The following CACNA1E variants were observed in gnomAD, a reference collection of about 807,000 sequenced individuals.
CACNA1E encodes the protein voltage-dependent R-type calcium channel subunit alpha-1E.
In CACNA1E, 40 loss-of-function variants were observed where a neutral mutation model predicts 259.2. That is an observed-to-expected ratio of 0.15 (90% CI 0.12 to 0.20). The LOEUF (loss-of-function observed/expected upper bound fraction) is 0.20, where lower values mean the gene tolerates loss of function less well. CACNA1E is among the 10% of genes least tolerant of loss of function. The pLI is 1.00. For synonymous variants in CACNA1E, 1,104 were observed against 1,138.5 expected (o/e 0.97, Z 0.61); for missense variants, 1,874 against 3,040.1 (o/e 0.62, Z 9.02).
chr1:181,375,151 T>C (rs1655011849), intron 1 of CACNA1E, among the ~76,000 whole-genome samples: 1 of 152,180 alleles, frequency 6.6e-6, no homozygotes, highest in Admixed American at 6.5e-5. Flanking sequence ...AGGTGTCACA[T>C]TTTTAGAAGG....
chr1:181,385,588 C>T (rs1206561671), intron 1 of CACNA1E, among the ~76,000 whole-genome samples: 1 of 152,230 alleles, frequency 6.6e-6, no homozygotes, highest in East Asian at 1.9e-4. Flanking sequence ...AGACGGCTTG[C>T]TGCCATGAAC....
rs544805492 is a variant in CACNA1E at position 181,604,999 on chromosome 1, G to T, written c.951+24223G>T. 3.3e-5 allele frequency among the ~76,000 whole-genome samples: 5 copies of T among 152,230 alleles called. No individual in the cohort carries two copies. In the South Asian group the frequency reaches 1.0e-3, roughly 32 times the overall value. On this transcript the variant is annotated intron_variant, in intron 6 of 47. Transcript: ENST00000367573. ...CAGGAGGAGGAACGGGCAGTTATTT[G>T]TCTTCTCTCAGAAAGCCACGCTGTC... is the stretch of plus-strand genomic sequence containing the variant.
Position 181,798,891 on chromosome 1 carries a change from A to G in CACNA1E, c.*57A>G. 1 of 1,437,116 alleles carries G rather than the reference A, an allele frequency of 7.0e-7. No homozygotes were observed. The allele number at this position is 1,437,116 out of a possible 1,614,324, so 89.0% of individuals were successfully genotyped here. The stretch of plus-strand genomic sequence containing the variant: ...TCTCACATGGAGAAAACCAAGACAG[A>G]ATTGGGAAGCCAGTGCGGCCCGGGG... On this transcript the variant is annotated 3_prime_UTR_variant, in exon 48 of 48. Transcript: ENST00000367573. The surrounding 1 kb of genome is among the most constrained non-coding windows in gnomAD (Gnocchi z 4.2).
At chr1:181,354,039 G>A (rs576552031) in intron 1 of CACNA1E, among the ~76,000 whole-genome samples, 10 of 152,180 alleles carry the variant, frequency 6.6e-5, no homozygotes, top group African/African-American at 2.4e-4. Flanking sequence ...GCCTGACTCG[G>A]TTCCTCCCCT....
At position 181,511,397 on chromosome 1, in the gene CACNA1E, G is replaced by T; in HGVS notation, c.399G>T (p.Gly133=). Residue 133 remains glycine, a synonymous_variant, in exon 3 of 48, where the codon GGG becomes GGT. Coordinates refer to ENST00000367573, the MANE Select transcript of CACNA1E (RefSeq NM_001205293.3). ...RLEKTEPYFI[G]IFCFEAGIKI... Reference sequence around the variant, plus strand: ...AGAAGACAGAACCTTATTTCATTGGGATCTTTTGCTTTGAAGCTGGGATCA... The same window carrying T: ...AGAAGACAGAACCTTATTTCATTGGTATCTTTTGCTTTGAAGCTGGGATCA... 1 of 1,614,014 alleles carries T rather than the reference G, an allele frequency of 6.2e-7. No homozygotes were observed. The highest frequency in any genetic ancestry group is 8.5e-7 in the Non-Finnish European group (1 of 1,179,894).
At chr1:181,486,920 T>G (rs1663872008) in intron 1 of CACNA1E, among the ~76,000 whole-genome samples, 1 of 152,214 alleles carries the variant, frequency 6.6e-6, no homozygotes, top group African/African-American at 2.4e-5. Context: ...TGGGCCCCAC[T>G]TCAATCCTGC....
chr1:181,597,971 G>A (rs1653364693), intron 6 of CACNA1E, among the ~76,000 whole-genome samples: 1 of 152,166 alleles, frequency 6.6e-6, no homozygotes, highest in Non-Finnish European at 1.5e-5. Context: ...TTCAAGATGA[G>A]ATTTGGGTGG....
At chr1:181,660,657 C>T (rs752252591) in intron 7 of CACNA1E, among the ~76,000 whole-genome samples, 2 of 152,154 alleles carry the variant, frequency 1.3e-5, no homozygotes, top group Non-Finnish European at 2.9e-5. Flanking sequence ...CCATGCCTGA[C>T]CTGAGACAGG....
intron 6 of CACNA1E, among the ~76,000 whole-genome samples, chr1:181,642,129 C>T (rs1305551066): frequency 2.0e-5 from 3 of 152,122 alleles, no homozygotes; most frequent in East Asian, 3.9e-4. Context: ...GGTCAGAAGT[C>T]CTGCATTCTG....
At chr1:181,493,326 C>T (rs112698444) in intron 1 of CACNA1E, among the ~76,000 whole-genome samples, 411 of 152,264 alleles carry the variant, frequency 2.7e-3, no homozygotes, top group South Asian at 8.9e-3. Context: ...TAGAGAGATA[C>T]GGTTGCACTG....
At chr1:181,378,163 C>T (rs1433480324) in intron 1 of CACNA1E, among the ~76,000 whole-genome samples, 1 of 152,168 alleles carries the variant, frequency 6.6e-6, no homozygotes, top group African/African-American at 2.4e-5. Context: ...ATCCTTCCTT[C>T]AATTTTCTTA....
intron 3 of CACNA1E, among the ~76,000 whole-genome samples, chr1:181,533,456 G>A (rs1397030682): frequency 6.6e-6 from 1 of 150,596 alleles, no homozygotes; most frequent in Non-Finnish European, 1.5e-5. Flanking sequence ...TATATATGTG[G>A]TCTGTTTTTA....
intron 3 of CACNA1E, among the ~76,000 whole-genome samples, chr1:181,528,296 T>C (rs1667515391): frequency 6.6e-6 from 1 of 152,006 alleles, no homozygotes; most frequent in Non-Finnish European, 1.5e-5. Context: ...ATGTAAGAAG[T>C]ATGTTTCACC....
intron 2 of CACNA1E, among the ~76,000 whole-genome samples, chr1:181,415,667 G>A (rs933985275): frequency 1.3e-5 from 2 of 152,326 alleles, no homozygotes; most frequent in African/African-American, 4.8e-5. Flanking sequence ...CTGAATGGGA[G>A]TAGTTTCCAC....
chr1:181,606,576 C>T (rs890245607), intron 6 of CACNA1E, among the ~76,000 whole-genome samples: 7 of 152,362 alleles, frequency 4.6e-5, no homozygotes, highest in African/African-American at 1.7e-4. Context: ...TCAATCCATT[C>T]TCTACTCCAT....
rs1486008744 is a variant in CACNA1E at position 181,732,261 on chromosome 1, A to G, written c.2298-123A>G. 1 of 1,350,352 alleles carries G rather than the reference A, an allele frequency of 7.4e-7. No individual in the cohort carries two copies. The highest frequency in any genetic ancestry group is 9.6e-7 in the Non-Finnish European group (1 of 1,044,882). 83.6% of individuals were successfully genotyped at this position (1,350,352 alleles called of 1,614,324 possible). On this transcript the variant is annotated intron_variant, in intron 19 of 47. Transcript: ENST00000367573. The surrounding 1 kb of genome is among the most constrained non-coding windows in gnomAD (Gnocchi z 5.5). ...GCATCTTTCTGTGCTTCCTGTCTGC[A>G]GGTCCTGGGCACTCCCATTTGCCCC...
At position 181,514,297 on chromosome 1, in the gene CACNA1E, G is replaced by A. The variant is rs551123548; in HGVS notation, c.512+2787G>A. ...CTTTCTTAGTGCTACATAAAATTAC[G>A]GGGCATCTTACAATTGTTGGGGTTG... On this transcript the variant is annotated intron_variant, in intron 3 of 47. Coordinates refer to ENST00000367573, the MANE Select transcript of CACNA1E (RefSeq NM_001205293.3). Among the ~76,000 whole-genome samples, 8 of 152,204 alleles carry A rather than the reference G, an allele frequency of 5.3e-5. No homozygotes were observed. The South Asian group carries it at 1.0e-3, about 20-fold the overall frequency.
In CACNA1E at chr1:181,798,244, G is replaced by T; in HGVS notation, c.6400-48G>T. The T allele has an allele frequency of 6.8e-7, 1 of 1,467,150 alleles. No individual in the cohort carries two copies. The highest frequency in any genetic ancestry group is 9.2e-7 in the Non-Finnish European group (1 of 1,083,310). The allele number at this position is 1,467,150 out of a possible 1,614,324, so 90.9% of individuals were successfully genotyped here. A position where few individuals can be genotyped will look rare whatever the true frequency, so the allele number is the denominator to read the frequency against. On this transcript the variant is annotated intron_variant, in intron 47 of 47. Coordinates refer to ENST00000367573, the MANE Select transcript of CACNA1E (RefSeq NM_001205293.3). The surrounding 1 kb of genome is among the most constrained non-coding windows in gnomAD (Gnocchi z 4.2). ...CTCTCTTAACAGAGTTGCAAGTAGGGATCATGCCAAGCCCAATCTAACATG... is the reference window on the plus strand; with the variant it reads ...CTCTCTTAACAGAGTTGCAAGTAGGTATCATGCCAAGCCCAATCTAACATG...
Position 181,803,793 on chromosome 1 carries a change from A to C in CACNA1E, c.*4959A>C, listed in dbSNP as rs1443887918. The C allele has an allele frequency of 6.6e-6, 1 of 152,220 alleles. No individual in the cohort carries two copies. The highest frequency in any genetic ancestry group is 1.5e-5 in the Non-Finnish European group (1 of 68,042). 9.4% of individuals were successfully genotyped at this position (152,220 alleles called of 1,614,324 possible). On this transcript the variant is annotated 3_prime_UTR_variant, in exon 48 of 48. Transcript: ENST00000367573. ...CCAGAGAGGTCACACCAAGCCAAAG[A>C]GAAAAAATTCATAGATTGTCCCAGC...
Sources: gnomAD v4.1 joint callset for allele counts (sites outside exome capture counted in the v4.1 genomes callset) on GRCh38, gnomAD v4.1.1 for gene constraint, Gnocchi (gnomAD v3.1) non-coding constraint, MANE v1.5 for transcripts, NCBI Gene and HGNC (gene_info 2026-07-23, HGNC 2026-07-21) for gene names.